GABRA2: variants seen among roughly 807,000 people sequenced by gnomAD.
The protein encoded by GABRA2 is gamma-aminobutyric acid receptor subunit alpha-2.
GABRA2 carries 16 observed loss-of-function variants against 48.7 expected under a neutral mutation model. The observed-to-expected ratio is 0.33, with a 90% CI of 0.22 to 0.50. The LOEUF is 0.50. Ranked by LOEUF, GABRA2 falls within the 20% of genes least tolerant of loss-of-function variation. The pLI is 0.98. For missense variants in GABRA2, 275 were observed against 535.6 expected (o/e 0.51, Z 4.80); for synonymous variants, 185 against 184.5 (o/e 1.00, Z -0.02).
rs188730417 is a variant in GABRA2 at position 46,287,742 on chromosome 4, C to A, written c.856+15718G>T. Among the ~76,000 whole-genome samples the A allele has an allele frequency of 6.9e-3, 1,040 of 151,284 alleles. 12 individuals carry two copies. Among genetic ancestry groups the A allele is most frequent in the African/African-American group, 0.024 (977 of 41,186 alleles). On this transcript the variant is annotated intron_variant, in intron 8 of 9. Transcript: ENST00000381620. ...CATGTATACGTATGTAACTAACCTG[C>A]ACATTGTGCACATGTACCCTAAAAT...
chr4:46,378,259 C>T (rs34490936), intron 3 of GABRA2, among the ~76,000 whole-genome samples: 52 of 152,242 alleles, frequency 3.4e-4, no homozygotes, highest in Middle Eastern at 3.4e-3. Flanking sequence ...GGATGGTTGC[C>T]GTGTCTGTGT....
intron 8 of GABRA2, among the ~76,000 whole-genome samples, chr4:46,299,381 T>G (rs535117971): frequency 4.0e-5 from 6 of 151,852 alleles, no homozygotes; most frequent in African/African-American, 1.2e-4. Flanking sequence ...TTTCTAAAAT[T>G]TTCCCATCAA....
At chr4:46,387,978 T>C (rs1304882960) in intron 2 of GABRA2, among the ~76,000 whole-genome samples, 3 of 152,098 alleles carry the variant, frequency 2.0e-5, no homozygotes, top group Non-Finnish European at 4.4e-5. Flanking sequence ...CTGAAAGCAA[T>C]AAAAATTAAT....
chr4:46,372,978 T>C (rs1715135637), intron 3 of GABRA2, among the ~76,000 whole-genome samples: 1 of 152,168 alleles, frequency 6.6e-6, no homozygotes, highest in African/African-American at 2.4e-5. Flanking sequence ...CTTGTGTTGA[T>C]AGATTTTGCT....
rs1175950442 is a variant in GABRA2 at position 46,249,560 on chromosome 4, T to C, written c.*748A>G. ...AATGTTAAGACACATTTCTTTTCTT[T>C]TTTTTTAATTAAGGTAGTTTCCAAT... On this transcript the variant is annotated 3_prime_UTR_variant, in exon 10 of 10. Coordinates refer to ENST00000381620, the MANE Select transcript of GABRA2 (RefSeq NM_000807.4). 1.3e-5 allele frequency: 2 copies of C among 151,476 alleles called. No individual in the cohort carries two copies. Among genetic ancestry groups the C allele is most frequent in the African/African-American group, 4.8e-5 (2 of 41,348 alleles). 9.4% of individuals were successfully genotyped at this position (151,476 alleles called of 1,614,324 possible).
chr4:46,254,401 A>G (rs1447668332), intron 9 of GABRA2, among the ~76,000 whole-genome samples: 1 of 151,508 alleles, frequency 6.6e-6, no homozygotes, highest in Non-Finnish European at 1.5e-5. Context: ...GAATTTTTTA[A>G]CGCTTATGTT....
intron 3 of GABRA2, among the ~76,000 whole-genome samples, chr4:46,348,547 T>A (rs1054398574): frequency 2.0e-5 from 3 of 151,932 alleles, no homozygotes; most frequent in African/African-American, 7.3e-5. Flanking sequence ...AACGATAGAC[T>A]GGATTAAGAA....
chr4:46,287,968 A>C (rs1722876814), intron 8 of GABRA2, among the ~76,000 whole-genome samples: 2 of 152,180 alleles, frequency 1.3e-5, no homozygotes, highest in African/African-American at 4.8e-5. Flanking sequence ...GTCACATCTT[A>C]CATGGATAGC....
intron 3 of GABRA2, chr4:46,364,221 T>C (rs1173489653): frequency 1.3e-5 from 2 of 152,192 alleles, no homozygotes; most frequent in African/African-American, 2.4e-5. Context: ...GCTTCGATAT[T>C]CTTATCTGTT....
At chr4:46,337,944 T>C (rs1732541548) in intron 3 of GABRA2, among the ~76,000 whole-genome samples, 1 of 151,976 alleles carries the variant, frequency 6.6e-6, no homozygotes, top group Non-Finnish European at 1.5e-5. Flanking sequence ...TACTGGATAA[T>C]ATAACACACA....
At chr4:46,265,419 A>T (rs1717946302) in intron 8 of GABRA2, among the ~76,000 whole-genome samples, 1 of 120,474 alleles carries the variant, frequency 8.3e-6, no homozygotes, top group Admixed American at 7.7e-5. Context: ...TATATATAAT[A>T]TATTGTGTAT....
intron 3 of GABRA2, among the ~76,000 whole-genome samples, chr4:46,345,378 C>T (rs1306108119): frequency 6.6e-6 from 1 of 151,840 alleles, no homozygotes; most frequent in Admixed American, 6.6e-5. Context: ...ATCACAATTC[C>T]TAAACATACA....
At chr4:46,294,510 G>A (rs1724265458) in intron 8 of GABRA2, among the ~76,000 whole-genome samples, 1 of 152,164 alleles carries the variant, frequency 6.6e-6, no homozygotes, top group African/African-American at 2.4e-5. Context: ...GACCTGAAAG[G>A]CTGCCAGTTT....
At chr4:46,327,458 C>G (rs953020652) in intron 4 of GABRA2, among the ~76,000 whole-genome samples, 1 of 151,922 alleles carries the variant, frequency 6.6e-6, no homozygotes, top group Non-Finnish European at 1.5e-5. Flanking sequence ...TGTCAATAAC[C>G]TTACAGCAAC....
chr4:46,317,733 G>A (rs1728774525), intron 4 of GABRA2, among the ~76,000 whole-genome samples: 2 of 151,140 alleles, frequency 1.3e-5, no homozygotes. Context: ...CCTAATATGA[G>A]CCCTACATGA....
intron 5 of GABRA2, among the ~76,000 whole-genome samples, 168 bp from the exon 6 acceptor site, chr4:46,310,423 G>A (rs1350040899): frequency 6.6e-6 from 1 of 152,124 alleles, no homozygotes; most frequent in Non-Finnish European, 1.5e-5. Flanking sequence ...TCCCTCGGAA[G>A]ACATTGGCGT....
chr4:46,369,630 C>T (rs900867402), intron 3 of GABRA2, among the ~76,000 whole-genome samples: 11 of 152,046 alleles, frequency 7.2e-5, no homozygotes, highest in Non-Finnish European at 5.9e-5. Context: ...TCAAAGGGCA[C>T]AGTTCATCAT....
Position 46,250,578 on chromosome 4 carries a change from T to C in GABRA2, c.1086A>G (p.Ile362Met), listed in dbSNP as rs771925030. Reference sequence around the variant, plus strand: ...CAGCCACTGCATAAGCGTTGTTCTGTATCATAACGGAAGCCTTTTCTTTTT... The same window carrying C: ...CAGCCACTGCATAAGCGTTGTTCTGCATCATAACGGAAGCCTTTTCTTTTT... ...DKKKEKASVM[I>M]QNNAYAVAVA... is the part of the protein sequence containing the mutation. The change falls in exon 10 of 10, where the codon ATA (isoleucine) becomes ATG (methionine). Residue 362 changes from isoleucine (I) to methionine (M), a missense_variant. By Grantham distance (10) the Ile-to-Met change is conservative (BLOSUM62 1). Around this residue, in one of 4 missense-constraint regions of GABRA2, gnomAD observed 99 missense variants for 124.3 expected, o/e 0.80. Transcript: ENST00000381620. 9.4e-6 allele frequency: 15 copies of C among 1,602,474 alleles called. No individual in the cohort carries two copies. The Admixed American group carries it at 2.3e-4, about 24-fold the overall frequency.
chr4:46,294,052 C>T (rs1178131284), intron 8 of GABRA2, among the ~76,000 whole-genome samples: 1 of 152,214 alleles, frequency 6.6e-6, no homozygotes, highest in African/African-American at 2.4e-5. Context: ...CCATAAGGCC[C>T]ACCAGAAGCA....
Sources: gnomAD v4.1 joint callset for allele counts (sites outside exome capture counted in the v4.1 genomes callset) on GRCh38, gnomAD v4.1.1 for gene constraint, gnomAD v4.1.1 regional missense constraint, MANE v1.5 for transcripts, NCBI Gene and HGNC (gene_info 2026-07-23, HGNC 2026-07-21) for gene names.